VSTM1: variants seen among roughly 807,000 people sequenced by gnomAD.
VSTM1 encodes the protein V-set and transmembrane domain-containing protein 1.
Under a neutral mutation model 33.1 loss-of-function variants are expected in VSTM1, and 27 were observed. The ratio of observed to expected loss-of-function variants is 0.82; its 90% confidence interval spans 0.60 to 1.12. VSTM1 has a LOEUF of 1.12. Ranked by LOEUF, VSTM1 falls within the 50% of genes most tolerant of loss-of-function variation. The pLI, the probability that VSTM1 is intolerant of heterozygous loss-of-function variation, is 0.00. For missense variants in VSTM1, 304 were observed against 288.9 expected (o/e 1.05, Z -0.38); for synonymous variants, 115 against 110.3 (o/e 1.04, Z -0.27).
rs1421087337 is a variant in VSTM1 at position 54,052,314 on chromosome 19, C to T, written c.356-866G>A. ...TCGGGAGGCTGAGGCAGGAGAATGG[C>T]GTGAACCCGGGAGGCGGAGCTTGCA... On this transcript the variant is annotated intron_variant, in intron 3 of 8. Transcript: ENST00000338372. 4.2e-5 allele frequency among the ~76,000 whole-genome samples: 6 copies of T among 143,722 alleles called. 1 individual carries two copies. Among genetic ancestry groups the T allele is most frequent in the Admixed American group, 1.4e-4 (2 of 14,184 alleles). The allele number at this position is 143,722 out of a possible 152,430, so 94.3% of individuals were successfully genotyped here.
chr19:54,058,445 C>T lies in VSTM1; in HGVS notation c.216G>A (p.Gln72=), dbSNP rs763837139. The change falls in exon 3 of 9, where the codon CAG becomes CAA. Residue 72 remains glutamine (Q), a synonymous_variant. Coordinates refer to ENST00000338372, the MANE Select transcript of VSTM1 (RefSeq NM_198481.4). ...ATTCAGCTTCGTTTTCTGCCGAGCT[C>T]TGTTCCTGCTTGTACCCAGAGTCGT... is the stretch of plus-strand genomic sequence containing the variant. ...KVNDSGYKQE[Q]SSAENEAEFP... is the part of the protein sequence containing the mutation. 2 of 1,613,954 alleles carry T rather than the reference C, an allele frequency of 1.2e-6. No individual in the cohort carries two copies. The highest frequency in any genetic ancestry group is 2.2e-5 in the East Asian group (1 of 44,890).
rs1293077603 is a variant in VSTM1 at position 54,058,385 on chromosome 19, C to T, written c.276G>A (p.Gly92=). 2.5e-6 allele frequency: 4 copies of T among 1,614,046 alleles called. No homozygotes were observed. The highest frequency in any genetic ancestry group is 3.4e-6 in the Non-Finnish European group (4 of 1,180,040). ...TTGTCTTGTAGGCACAAAAGTACCT[C>T]CCAGCATCCTTAGGCTTCAGGTCCG... ...PFTDLKPKDA[G]RYFCAYKTTA... Residue 92 remains glycine (G), a synonymous_variant, in exon 3 of 9, where the codon GGG becomes GGA. Transcript: ENST00000338372.
chr19:54,056,695 G>C (rs2071115689), intron 3 of VSTM1, among the ~76,000 whole-genome samples: 1 of 139,364 alleles, frequency 7.2e-6, no homozygotes, highest in African/African-American at 2.7e-5. Context: ...TCATCACTTG[G>C]TCTGTCAGTC....
chr19:54,047,515 A>G (rs1046622126), intron 4 of VSTM1, among the ~76,000 whole-genome samples: 2 of 152,082 alleles, frequency 1.3e-5, no homozygotes, highest in Non-Finnish European at 2.9e-5. Context: ...GCTGGTCTCA[A>G]ACTCCAGAGC....
rs2071211397 is a variant in VSTM1 at position 54,058,361 on chromosome 19, T to G, written c.300A>C (p.Thr100=). The G allele has an allele frequency of 2.5e-6, 4 of 1,614,068 alleles. No homozygotes were observed. In the African/African-American group the frequency reaches 5.3e-5, roughly 22 times the overall value. ...TTTCTGACCACTCATGGGAGGCTGT[T>G]GTCTTGTAGGCACAAAAGTACCTCC... ...DAGRYFCAYK[T]TASHEWSESS... The change falls in exon 3 of 9, where the codon ACA becomes ACC. Residue 100 remains threonine, a synonymous_variant. Transcript: ENST00000338372.
Position 54,042,305 on chromosome 19 carries a change from G to A in VSTM1, c.459C>T (p.Val153=). 5 of 1,614,000 alleles carry A rather than the reference G, an allele frequency of 3.1e-6. No homozygotes were observed. The highest frequency in any genetic ancestry group is 4.2e-6 in the Non-Finnish European group (5 of 1,179,994). Residue 153 remains valine, a synonymous_variant, in exon 5 of 9, where the codon GTC becomes GTT. Transcript: ENST00000338372. The part of the protein sequence containing the change: ...CISILLLFLS[V]FIIYRCSQHS... ...GCTGGCTGCATCTGTAGATGATGAAGACTGAGAGGAAGAGGAGAAGGATGG... is the reference window on the plus strand; with the variant it reads ...GCTGGCTGCATCTGTAGATGATGAAAACTGAGAGGAAGAGGAGAAGGATGG...
Position 54,041,967 on chromosome 19 carries a change from A to G in VSTM1, c.516-14T>C. Reference sequence around the variant, plus strand: ...GAATGGCTGGTTCTGAAAGAGAGAGACACACGTGAAAGGATGGGATGTGAA... The same window carrying G: ...GAATGGCTGGTTCTGAAAGAGAGAGGCACACGTGAAAGGATGGGATGTGAA... On this transcript the variant is annotated splice_polypyrimidine_tract_variant and intron_variant, in intron 6 of 8. Coordinates refer to ENST00000338372, the MANE Select transcript of VSTM1 (RefSeq NM_198481.4). The G allele has an allele frequency of 6.2e-7, 1 of 1,614,012 alleles. No individual in the cohort carries two copies. Among genetic ancestry groups the G allele is most frequent in the Non-Finnish European group, 8.5e-7 (1 of 1,179,976 alleles).
intron 4 of VSTM1, among the ~76,000 whole-genome samples, chr19:54,049,079 G>T (rs534598818): frequency 6.6e-6 from 1 of 151,946 alleles, no homozygotes; most frequent in Non-Finnish European, 1.5e-5. Flanking sequence ...GCAAGACTCC[G>T]TCTCAAAAAA....
intron 8 of VSTM1, 56 bp from the exon 9 acceptor site, chr19:54,041,136 CCACA>C: frequency 1.4e-6 from 2 of 1,469,310 alleles, no homozygotes; most frequent in Non-Finnish European, 1.8e-6. Context: ...CAGCCACTAG[CCACA>C]CATGGCTATT....
Position 54,040,941 on chromosome 19 carries a change from T to A in VSTM1, c.*20A>T, listed in dbSNP as rs183021723. On this transcript the variant is annotated 3_prime_UTR_variant, in exon 9 of 9. Coordinates refer to ENST00000338372, the MANE Select transcript of VSTM1 (RefSeq NM_198481.4). ...GCCAGCACGATCCCCCCTCCTTTAG[T>A]GGCCAGGGCTGTCTTCTTGCTACAC... The A allele has an allele frequency of 3.1e-6, 5 of 1,603,346 alleles. No homozygotes were observed. Among genetic ancestry groups the A allele is most frequent in the Middle Eastern group, 1.7e-4 (1 of 5,886 alleles).
At chr19:54,047,357 C>A (rs535256593) in intron 4 of VSTM1, among the ~76,000 whole-genome samples, 2 of 151,722 alleles carry the variant, frequency 1.3e-5, no homozygotes, top group South Asian at 4.2e-4. Context: ...TGCAGTGGTA[C>A]AATCTCGGCT....
intron 4 of VSTM1, among the ~76,000 whole-genome samples, chr19:54,048,706 G>C (rs1413615622): frequency 1.3e-5 from 2 of 152,156 alleles, no homozygotes; most frequent in Non-Finnish European, 2.9e-5. Flanking sequence ...TTACAGCGCG[G>C]AGACAAACAG....
chr19:54,041,638 T>G (rs1425687633), intron 8 of VSTM1, 141 bp downstream of exon 8: 3 of 943,380 alleles, frequency 3.2e-6, no homozygotes, highest in Non-Finnish European at 4.7e-6. Context: ...TTGGTTCCCA[T>G]TAGGGGAGTT....
chr19:54,059,152 C>T (rs962402654), intron 1 of VSTM1, among the ~76,000 whole-genome samples: 1 of 151,118 alleles, frequency 6.6e-6, no homozygotes, highest in Non-Finnish European at 1.5e-5. Flanking sequence ...CCTCCGCCTC[C>T]CAGGTTCAAG....
chr19:54,063,533 A>G (rs1029780254), intron 1 of VSTM1, among the ~76,000 whole-genome samples: 2 of 152,028 alleles, frequency 1.3e-5, no homozygotes, highest in Admixed American at 6.6e-5. Context: ...TTCCCAGCGG[A>G]GTCTGTCCCC....
chr19:54,057,512 C>CA (rs201220644), intron 3 of VSTM1, among the ~76,000 whole-genome samples: 2,861 of 128,696 alleles, frequency 0.022, 80 homozygotes, highest in African/African-American at 0.077. Context: ...GAGATTCTGT[C>CA]AAAAAAAAAA....
At chr19:54,063,664 G>A in intron 1 of VSTM1, 80 bp downstream of exon 1, 3 of 1,552,048 alleles carry the variant, frequency 1.9e-6, no homozygotes, top group East Asian at 2.3e-5. Flanking sequence ...TCCACACACC[G>A]CATTTCCACC....
At chr19:54,049,180 T>C (rs990489386) in intron 4 of VSTM1, among the ~76,000 whole-genome samples, 8 of 152,160 alleles carry the variant, frequency 5.3e-5, no homozygotes, top group Non-Finnish European at 8.8e-5. Context: ...AAATGAAACA[T>C]TGATGCATGC....
chr19:54,056,919 CT>C, intron 3 of VSTM1, among the ~76,000 whole-genome samples: 1 of 139,700 alleles, frequency 7.2e-6, no homozygotes, highest in East Asian at 2.0e-4. Context: ...GTGGCACAAT[CT>C]CAGCTCATTA....
Sources: gnomAD v4.1 joint callset for allele counts (sites outside exome capture counted in the v4.1 genomes callset) on GRCh38, gnomAD v4.1.1 for gene constraint, MANE v1.5 for transcripts, NCBI Gene and HGNC (gene_info 2026-07-23, HGNC 2026-07-21) for gene names.